Variants in DLC1 observed in about 807,000 individuals in gnomAD.
DLC1 encodes the protein DLC1 Rho GTPase activating protein, also known as rho GTPase-activating protein 7.
DLC1 carries 54 observed loss-of-function variants against 140.3 expected under a neutral mutation model. That is an observed-to-expected ratio of 0.38 (90% CI 0.31 to 0.48). DLC1 has a LOEUF of 0.48. DLC1 is among the 20% of genes least tolerant of loss of function. The probability of loss-of-function intolerance (pLI) is 0.96; values close to 1 mark genes in which losing one functional copy is unlikely to be tolerated. For synonymous variants in DLC1, 986 were observed against 728.1 expected (o/e 1.35, Z -5.70); for missense variants, 2,536 against 1,907.0 (o/e 1.33, Z -6.14).
intron 2 of DLC1, among the ~76,000 whole-genome samples, chr8:13,479,832 G>GAGAAA (rs1563383433): frequency 0.048 from 972 of 20,102 alleles, 61 homozygotes; most frequent in Middle Eastern, 0.17. Flanking sequence ...AGAAGAAGAA[G>GAGAAA]AAGAAGAAGA....
chr8:13,303,233 TG>T (rs1277377230), intron 5 of DLC1, among the ~76,000 whole-genome samples: 1 of 152,226 alleles, frequency 6.6e-6, no homozygotes, highest in Non-Finnish European at 1.5e-5. Context: ...AGTCAGATTT[TG>T]CTCAAATCAG....
intron 5 of DLC1, among the ~76,000 whole-genome samples, chr8:13,122,079 C>T (rs1295024136): frequency 2.6e-5 from 4 of 152,158 alleles, no homozygotes; most frequent in Non-Finnish European, 4.4e-5. Context: ...AAGCCTCACC[C>T]CTCCCTGCCC....
At chr8:13,468,103 G>T (rs1386198369) in intron 2 of DLC1, among the ~76,000 whole-genome samples, 1 of 152,082 alleles carries the variant, frequency 6.6e-6, no homozygotes, top group African/African-American at 2.4e-5. Flanking sequence ...TCTGGACTTG[G>T]CATTTTATTT....
intron 5 of DLC1, among the ~76,000 whole-genome samples, chr8:13,255,313 G>A (rs143146774): frequency 1.8e-3 from 278 of 152,206 alleles, no homozygotes; most frequent in African/African-American, 6.6e-3. Context: ...ATCAAATGGG[G>A]ATAGTAAGAC....
chr8:13,241,340 G>A (rs556788158), intron 5 of DLC1, among the ~76,000 whole-genome samples: 32 of 152,164 alleles, frequency 2.1e-4, no homozygotes, highest in Non-Finnish European at 3.7e-4. Flanking sequence ...TCTTTAGTGT[G>A]GGCAAATGGG....
At chr8:13,601,826 T>C (rs1172969893) in intron 1 of DLC1, among the ~76,000 whole-genome samples, 2 of 151,784 alleles carry the variant, frequency 1.3e-5, no homozygotes, top group Admixed American at 6.6e-5. Flanking sequence ...CAAAACACCC[T>C]TCTTTGGTGA....
In DLC1 at chr8:13,100,474, G is replaced by A; in HGVS notation, c.1863C>T (p.Val621=). Residue 621 remains valine (V), a synonymous_variant, in exon 9 of 18, where the codon GTC becomes GTT. Coordinates refer to ENST00000276297, the MANE Select transcript of DLC1 (RefSeq NM_182643.3). ...EDAATPRTNS[V]ISVCSSSNLA... is the part of the protein sequence containing the mutation. ...AGTTGCTGGAGGAGCAAACGCTGAT[G>A]ACGGAGTTAGTCCGGGGGGTGGCAG... 6.2e-7 allele frequency: 1 copy of A among 1,613,284 alleles called. No homozygotes were observed. Among genetic ancestry groups the A allele is most frequent in the Non-Finnish European group, 8.5e-7 (1 of 1,179,990 alleles).
At chr8:13,352,064 C>G (rs1323097465) in intron 4 of DLC1, among the ~76,000 whole-genome samples, 1 of 152,146 alleles carries the variant, frequency 6.6e-6, no homozygotes, top group Non-Finnish European at 1.5e-5. Flanking sequence ...ACATTTATGT[C>G]TTGTTTACAT....
rs112176159 is a variant in DLC1, at chr8:13,151,984, A to T, written c.1349-36327T>A. ...TCTGCGATTTATTCCATCCCAGAAAAATATGGTTGTGTTCTATCTATTGCT... is the reference window on the plus strand; with the variant it reads ...TCTGCGATTTATTCCATCCCAGAAATATATGGTTGTGTTCTATCTATTGCT... On this transcript the variant is annotated intron_variant, in intron 5 of 17. Coordinates refer to ENST00000276297, the MANE Select transcript of DLC1 (RefSeq NM_182643.3). Among the ~76,000 whole-genome samples, 274 of 152,228 alleles carry T rather than the reference A, an allele frequency of 1.8e-3. 1 individual carries two copies. The highest frequency in any genetic ancestry group is 6.4e-3 in the African/African-American group (265 of 41,528).
At chr8:13,500,285 A>G in intron 1 of DLC1, 89 bp from the exon 2 acceptor site, 3 of 459,742 alleles carry the variant, frequency 6.5e-6, no homozygotes, top group Admixed American at 3.7e-5. Flanking sequence ...AATCTATGCT[A>G]TCAAAGTTAA....
In DLC1 at chr8:13,393,530, C is replaced by G. The variant is rs771781940; in HGVS notation, c.1314+23G>C. On this transcript the variant is annotated intron_variant, in intron 4 of 17. Coordinates refer to ENST00000276297, the MANE Select transcript of DLC1 (RefSeq NM_182643.3). ...TCATCAACATTTACACGTAGAGACT[C>G]TCTGTTATTATTTAGAACTCACCGT... 6 of 1,607,532 alleles carry G rather than the reference C, an allele frequency of 3.7e-6. No individual in the cohort carries two copies. The African/African-American group carries it at 6.7e-5, about 18-fold the overall frequency.
chr8:13,088,617 C>G lies in DLC1; in HGVS notation c.4162G>C (p.Glu1388Gln). ...PEEILKRLLKEQHLWDVDLLD... is the reference protein window; with the variant it reads ...PEEILKRLLKQQHLWDVDLLD... Reference sequence around the variant, plus strand: ...AGGTCTACATCCCAGAGGTGCTGTTCTTTAAGTAGGCGCTTTAAGATTTCC... The same window carrying G: ...AGGTCTACATCCCAGAGGTGCTGTTGTTTAAGTAGGCGCTTTAAGATTTCC... The change falls in exon 16 of 18, where the codon GAA becomes CAA. Residue 1388 changes from glutamate (E) to glutamine (Q), a missense_variant. Glu to Gln is a conservative substitution (Grantham distance 29). Coordinates refer to ENST00000276297, the MANE Select transcript of DLC1 (RefSeq NM_182643.3). 1 of 1,614,146 alleles carries G rather than the reference C, an allele frequency of 6.2e-7. No homozygotes were observed. The highest frequency in any genetic ancestry group is 8.5e-7 in the Non-Finnish European group (1 of 1,180,042).
In DLC1 at chr8:13,090,309, C is replaced by A. The variant is rs552461993; in HGVS notation, c.4017G>T (p.Lys1339Asn). The change falls in exon 15 of 18, where the codon AAG (lysine) becomes AAT (asparagine). Residue 1339 changes from lysine to asparagine, a missense_variant. Coordinates refer to ENST00000276297, the MANE Select transcript of DLC1 (RefSeq NM_182643.3). ...TGGAGTAGCTGACCCAGCCTTTAAA[C>A]TTCTCTTTGACTTCTTTAAACAGGC... is the stretch of plus-strand genomic sequence containing the variant. ...VDGLFKEVKE[K>N]FKGWVSYSTS... The A allele has an allele frequency of 1.2e-6, 2 of 1,614,204 alleles. No individual in the cohort carries two copies. The highest frequency in any genetic ancestry group is 2.7e-5 in the African/African-American group (2 of 75,046).
At chr8:13,574,239 A>C (rs1804761436) in intron 1 of DLC1, among the ~76,000 whole-genome samples, 1 of 152,184 alleles carries the variant, frequency 6.6e-6, no homozygotes, top group South Asian at 2.1e-4. Flanking sequence ...CCTTCCAGGA[A>C]GTATGCATTT....
At chr8:13,454,103 A>C (rs1360248571) in intron 2 of DLC1, among the ~76,000 whole-genome samples, 1 of 152,170 alleles carries the variant, frequency 6.6e-6, no homozygotes, top group African/African-American at 2.4e-5. Flanking sequence ...TGTAGTTAAA[A>C]AGGCCAGAAT....
intron 1 of DLC1, among the ~76,000 whole-genome samples, chr8:13,568,816 T>C (rs1319186482): frequency 3.9e-5 from 6 of 152,210 alleles, no homozygotes; most frequent in Non-Finnish European, 1.5e-5. Flanking sequence ...TAGTCATGTA[T>C]TGGGCACTGC....
In DLC1 at chr8:13,295,941, TG is replaced by T. The variant is rs1563232173; in HGVS notation, c.1348+9327del. On this transcript the variant is annotated intron_variant, in intron 5 of 17. Coordinates refer to ENST00000276297, the MANE Select transcript of DLC1 (RefSeq NM_182643.3). ...TAAGAGATGATCAGATAAGATTCTT[TG>T]TTTTTTTTTTTTTTTTTTTTTTTTT... 8.5e-5 allele frequency among the ~76,000 whole-genome samples: 11 copies of T among 129,924 alleles called. 1 individual carries two copies. Among genetic ancestry groups the T allele is most frequent in the Admixed American group, 1.8e-4 (2 of 10,846 alleles). 85.2% of individuals were successfully genotyped at this position (129,924 alleles called of 152,430 possible).
At chr8:13,307,993 G>A (rs10099710) in intron 4 of DLC1, among the ~76,000 whole-genome samples, 57,160 of 152,010 alleles carry the variant, frequency 0.38, 11,469 homozygotes, top group Middle Eastern at 0.49. Context: ...AGACATTTAG[G>A]CATTGTCTAA....
At chr8:13,399,728 C>G (rs566108073) in intron 3 of DLC1, among the ~76,000 whole-genome samples, 2 of 152,318 alleles carry the variant, frequency 1.3e-5, no homozygotes, top group South Asian at 4.1e-4. Flanking sequence ...ACCTTTATCT[C>G]TACCTGTGCT....
Sources: gnomAD v4.1 joint callset for allele counts (sites outside exome capture counted in the v4.1 genomes callset) on GRCh38, gnomAD v4.1.1 for gene constraint, MANE v1.5 for transcripts, NCBI Gene and HGNC (gene_info 2026-07-23, HGNC 2026-07-21) for gene names.